PTPRG: variants seen among roughly 807,000 people sequenced by gnomAD.
PTPRG encodes the protein protein tyrosine phosphatase receptor type G, also known as receptor-type tyrosine-protein phosphatase gamma.
PTPRG carries 102 observed loss-of-function variants against 165.3 expected under a neutral mutation model. That is an observed-to-expected ratio of 0.62 (90% CI 0.53 to 0.73). The LOEUF (loss-of-function observed/expected upper bound fraction) is 0.73, where lower values mean the gene tolerates loss of function less well. Among genes scored for constraint, PTPRG ranks in the 30% least tolerant of loss-of-function variants. The pLI, the probability that PTPRG is intolerant of heterozygous loss-of-function variation, is 0.00. For synonymous variants in PTPRG, 675 were observed against 669.5 expected (o/e 1.01, Z -0.13); for missense variants, 1,866 against 1,861.4 (o/e 1.00, Z -0.05).
At chr3:61,763,387 A>G (rs1303836292) in intron 2 of PTPRG, among the ~76,000 whole-genome samples, 2 of 151,370 alleles carry the variant, frequency 1.3e-5, no homozygotes, top group Non-Finnish European at 2.9e-5. Context: ...ACAGGCGCGC[A>G]CCACTACACC....
At chr3:61,925,743 T>A (rs1390416853) in intron 2 of PTPRG, 4,071 of 330,958 alleles carry the variant, frequency 0.012, 29 homozygotes, top group Non-Finnish European at 0.016. Context: ...ACTCTATCTT[T>A]AAAAAAAAAA....
intron 2 of PTPRG, among the ~76,000 whole-genome samples, chr3:61,931,647 A>ATGATG (rs1043985283): frequency 3.9e-5 from 6 of 152,198 alleles, no homozygotes; most frequent in African/African-American, 1.4e-4. Context: ...ATTTAAGTTT[A>ATGATG]TGATCTAACA....
chr3:62,190,607 T>C lies in PTPRG; in HGVS notation c.1034-862T>C, dbSNP rs1360434062. The stretch of plus-strand genomic sequence containing the variant: ...TCCTTACACCCCACGTCAGGATAAT[T>C]ACACGGGGTTCTGCTGTTCCAGAGA... On this transcript the variant is annotated intron_variant, in intron 8 of 29. Coordinates refer to ENST00000474889, the MANE Select transcript of PTPRG (RefSeq NM_002841.4). This position sits in a 1 kb window ranked among gnomAD's most constrained non-coding sequence, Gnocchi z 5.2. Among the ~76,000 whole-genome samples, 1 of 152,226 alleles carries C rather than the reference T, an allele frequency of 6.6e-6. No individual in the cohort carries two copies.
chr3:62,056,106 C>T (rs1317987615), intron 4 of PTPRG, among the ~76,000 whole-genome samples: 2 of 152,150 alleles, frequency 1.3e-5, no homozygotes, highest in South Asian at 2.1e-4. Flanking sequence ...CATTCGTATC[C>T]AAGAATATTG....
At position 62,203,556 on chromosome 3, in the gene PTPRG, G is replaced by A; in HGVS notation, c.1761G>A (p.Glu587=). 2 of 1,553,030 alleles carry A rather than the reference G, an allele frequency of 1.3e-6. No individual in the cohort carries two copies. The highest frequency in any genetic ancestry group is 1.7e-6 in the Non-Finnish European group (2 of 1,147,576). ...TEEGEKDEKS[E]SEDGEREHEE... is the part of the protein sequence containing the mutation. Reference sequence around the variant, plus strand: ...AAGGAGAGAAGGATGAGAAAAGCGAGAGTGAGGATGGGGAGCGGGAGCACG... The same window carrying A: ...AAGGAGAGAAGGATGAGAAAAGCGAAAGTGAGGATGGGGAGCGGGAGCACG... Residue 587 remains glutamate, a synonymous_variant, in exon 12 of 30, where the codon GAG becomes GAA. Coordinates refer to ENST00000474889, the MANE Select transcript of PTPRG (RefSeq NM_002841.4). The surrounding 1 kb of genome is among the most constrained non-coding windows in gnomAD (Gnocchi z 6.4).
chr3:61,658,134 T>A (rs766114645), intron 1 of PTPRG, among the ~76,000 whole-genome samples: 2 of 152,200 alleles, frequency 1.3e-5, no homozygotes, highest in South Asian at 2.1e-4. Flanking sequence ...GCATGTACTG[T>A]TCAGGTCATT....
chr3:61,978,904 G>A (rs1166617763), intron 2 of PTPRG, among the ~76,000 whole-genome samples: 2 of 152,094 alleles, frequency 1.3e-5, no homozygotes, highest in Non-Finnish European at 2.9e-5. Flanking sequence ...GTTTAGTCCC[G>A]TAGATCTGGA....
At chr3:61,876,900 A>G (rs1207509810) in intron 2 of PTPRG, among the ~76,000 whole-genome samples, 1 of 152,066 alleles carries the variant, frequency 6.6e-6, no homozygotes, top group Non-Finnish European at 1.5e-5. Context: ...ATTTGTCATA[A>G]TGTATTTACT....
intron 2 of PTPRG, among the ~76,000 whole-genome samples, chr3:61,877,064 C>T (rs1416147731): frequency 6.6e-6 from 1 of 151,916 alleles, no homozygotes; most frequent in East Asian, 1.9e-4. Context: ...AGGTCTTTGC[C>T]TTGTGCAATC....
chr3:61,907,751 A>G (rs1559681865), intron 2 of PTPRG, among the ~76,000 whole-genome samples: 2 of 152,086 alleles, frequency 1.3e-5, no homozygotes, highest in Non-Finnish European at 2.9e-5. Flanking sequence ...TTCTTTCTCA[A>G]TTGTGGTAAA....
At chr3:61,742,447 A>T (rs2033030096) in intron 1 of PTPRG, 1 of 1,443,172 alleles carries the variant, frequency 6.9e-7, no homozygotes, top group Admixed American at 2.2e-5. Context: ...AATTTATTCA[A>T]ATGTGCCTTA....
chr3:62,132,702 A>T lies in PTPRG; in HGVS notation c.682+34A>T, dbSNP rs757061905. Reference sequence around the variant, plus strand: ...GCCACATACACTTCCTTTTGCTGGGATGTGAAGGGCTCAGATCTCTACCTA... The same window carrying T: ...GCCACATACACTTCCTTTTGCTGGGTTGTGAAGGGCTCAGATCTCTACCTA... On this transcript the variant is annotated intron_variant, in intron 6 of 29. Coordinates refer to ENST00000474889, the MANE Select transcript of PTPRG (RefSeq NM_002841.4). 7.8e-6 allele frequency: 12 copies of T among 1,540,932 alleles called. No individual in the cohort carries two copies. In the Admixed American group the frequency reaches 2.0e-4, roughly 26 times the overall value.
Position 62,296,729 on chromosome 3 carries a change from G to C in PTPRG, c.*3422G>C, listed in dbSNP as rs1333728609. The C allele has an allele frequency of 6.6e-6, 1 of 151,296 alleles. No individual in the cohort carries two copies. Among genetic ancestry groups the C allele is most frequent in the Non-Finnish European group, 1.5e-5 (1 of 67,840 alleles). The allele number at this position is 151,296 out of a possible 1,614,324, so 9.4% of individuals were successfully genotyped here. A position where few individuals can be genotyped will look rare whatever the true frequency, so the allele number is the denominator to read the frequency against. On this transcript the variant is annotated 3_prime_UTR_variant, in exon 30 of 30. Transcript: ENST00000474889. Reference sequence around the variant, plus strand: ...AGTTGTCATTTAACATACAATACTGGCTTTACTTATCTCTAGAAAGAAGAA... The same window carrying C: ...AGTTGTCATTTAACATACAATACTGCCTTTACTTATCTCTAGAAAGAAGAA...
At chr3:62,120,847 T>G (rs1703040822) in intron 5 of PTPRG, among the ~76,000 whole-genome samples, 2 of 152,300 alleles carry the variant, frequency 1.3e-5, no homozygotes, top group Non-Finnish European at 1.5e-5. Flanking sequence ...ATGATTGACC[T>G]GTCTATAGCC....
At chr3:61,731,612 G>T (rs2032504972) in intron 1 of PTPRG, among the ~76,000 whole-genome samples, 1 of 152,026 alleles carries the variant, frequency 6.6e-6, no homozygotes, top group South Asian at 2.1e-4. Context: ...CTCCCAAAGT[G>T]CTGGGATTAC....
intron 5 of PTPRG, among the ~76,000 whole-genome samples, chr3:62,127,387 G>C (rs10510874): frequency 0.086 from 13,102 of 152,242 alleles, 843 homozygotes; most frequent in East Asian, 0.33. Context: ...CAAACATCCT[G>C]AGAAGTGCTT....
At chr3:61,987,772 C>T (rs905196092) in intron 2 of PTPRG, among the ~76,000 whole-genome samples, 4 of 150,328 alleles carry the variant, frequency 2.7e-5, no homozygotes, top group Non-Finnish European at 5.9e-5. Context: ...TCAATGGATT[C>T]TTTTGGCATC....
At chr3:61,814,035 G>A (rs1465125650) in intron 2 of PTPRG, among the ~76,000 whole-genome samples, 1 of 151,926 alleles carries the variant, frequency 6.6e-6, no homozygotes, top group African/African-American at 2.4e-5. Flanking sequence ...AGAGTAGCTG[G>A]GACCACAGGC....
At chr3:62,068,293 G>T (rs1370034029) in intron 4 of PTPRG, among the ~76,000 whole-genome samples, 1 of 152,200 alleles carries the variant, frequency 6.6e-6, no homozygotes, top group East Asian at 1.9e-4. Context: ...GCAGTGCCTG[G>T]CTCTTGTAAT....
Sources: allele counts gnomAD v4.1 joint callset (sites outside exome capture counted in the v4.1 genomes callset), GRCh38; gene constraint gnomAD v4.1.1; non-coding constraint Gnocchi (gnomAD v3.1); transcripts MANE v1.5; gene names NCBI Gene and HGNC (gene_info 2026-07-23, HGNC 2026-07-21).